The following DTX1 variants were observed in gnomAD, a reference collection of about 807,000 sequenced individuals.
DTX1 encodes E3 ubiquitin-protein ligase DTX1.
DTX1 carries 26 observed loss-of-function variants against 57.8 expected under a neutral mutation model. The observed-to-expected ratio is 0.45, with a 90% CI of 0.33 to 0.62. The LOEUF is 0.62. DTX1 is among the 20% of genes least tolerant of loss of function. The pLI, the probability that DTX1 is intolerant of heterozygous loss-of-function variation, is 0.02. For missense variants in DTX1, 704 were observed against 895.3 expected, an observed-to-expected ratio of 0.79 and a Z score of 2.73; for synonymous variants, 398 against 394.1, an observed-to-expected ratio of 1.01 and a Z score of -0.12.
intron 3 of DTX1, among the ~76,000 whole-genome samples, chr12:113,078,313 G>A (rs2044791270): frequency 6.6e-6 from 1 of 152,060 alleles, no homozygotes. Context: ...CATGCATAAG[G>A]ACCCTATGAG....
At chr12:113,079,689 G>A (rs1674122) in intron 3 of DTX1, among the ~76,000 whole-genome samples, 60,412 of 145,094 alleles carry the variant, frequency 0.42, 12,310 homozygotes, top group African/African-American at 0.47. Flanking sequence ...CACCATTCCC[G>A]GCTACTGTGT....
chr12:113,082,743 G>A (rs1401516627), intron 3 of DTX1, among the ~76,000 whole-genome samples: 11 of 152,046 alleles, frequency 7.2e-5, no homozygotes, highest in South Asian at 2.1e-4. Context: ...CTACAGGCAC[G>A]CACCACCACA....
At chr12:113,091,036 G>A (rs962394398) in intron 3 of DTX1, among the ~76,000 whole-genome samples, 1 of 152,200 alleles carries the variant, frequency 6.6e-6, no homozygotes, top group African/African-American at 2.4e-5. Flanking sequence ...AGGCTGCAGC[G>A]CGCCGGGGGC....
At chr12:113,082,961 A>G (rs1266915112) in intron 3 of DTX1, among the ~76,000 whole-genome samples, 2 of 152,182 alleles carry the variant, frequency 1.3e-5, no homozygotes, top group Non-Finnish European at 2.9e-5. Context: ...AACAGCTTAA[A>G]CCACAGAAAT....
chr12:113,093,631 A>T lies in DTX1; in HGVS notation c.1096A>T (p.Ser366Cys). Residue 366 changes from serine to cysteine, a missense_variant, in exon 5 of 10, where the codon AGC (serine) becomes TGC (cysteine). Coordinates refer to ENST00000548759, the MANE Select transcript of DTX1 (RefSeq NM_004416.3). This position sits in a 1 kb window ranked among gnomAD's most constrained non-coding sequence, Gnocchi z 4.2. ...PILHPPPVSK[S>C]DVKPVPGVPG... ...CCTGCACCCGCCGCCCGTGAGCAAG[A>T]GCGACGTGAAGCCCGTGCCTGGCGT... 1 of 1,613,554 alleles carries T rather than the reference A, an allele frequency of 6.2e-7. No homozygotes were observed. Among genetic ancestry groups the T allele is most frequent in the Non-Finnish European group, 8.5e-7 (1 of 1,179,860 alleles).
At chr12:113,072,951 C>T (rs1240592279) in intron 2 of DTX1, among the ~76,000 whole-genome samples, 1 of 152,068 alleles carries the variant, frequency 6.6e-6, no homozygotes, top group Non-Finnish European at 1.5e-5. Context: ...AGATGATCCA[C>T]CCGCCTCAGC....
At chr12:113,065,430 G>C (rs1053062357) in intron 2 of DTX1, among the ~76,000 whole-genome samples, 2 of 152,060 alleles carry the variant, frequency 1.3e-5, no homozygotes, top group African/African-American at 4.8e-5. Flanking sequence ...CACCATCAAC[G>C]ACCCGCCCGC....
intron 3 of DTX1, among the ~76,000 whole-genome samples, chr12:113,091,427 C>G (rs1950246057): frequency 8.1e-6 from 1 of 124,096 alleles, no homozygotes; most frequent in Non-Finnish European, 2.0e-5. Context: ...AGGGAGGCTC[C>G]CTGGTATCTG....
In DTX1 at chr12:113,080,589, A is replaced by AGAATGGAATGGAATGGAATG. The variant is rs111327121; in HGVS notation, c.941+2493_941+2512dup. Among the ~76,000 whole-genome samples the AGAATGGAATGGAATGGAATG allele has an allele frequency of 7.4e-3, 1,125 of 151,264 alleles. 10 individuals are homozygous for AGAATGGAATGGAATGGAATG. Among genetic ancestry groups the AGAATGGAATGGAATGGAATG allele is most frequent in the South Asian group, 0.02 (96 of 4,776 alleles). On this transcript the variant is annotated intron_variant, in intron 3 of 9. Coordinates refer to ENST00000548759, the MANE Select transcript of DTX1 (RefSeq NM_004416.3). ...GTTGTAGCCAGAATTTTCTTGGAAC[A>AGAATGGAATGGAATGGAATG]GAATGGAATGGAATGGAATGGAATG...
intron 3 of DTX1, among the ~76,000 whole-genome samples, chr12:113,082,968 A>C (rs1364989586): frequency 6.6e-6 from 1 of 152,192 alleles, no homozygotes; most frequent in Non-Finnish European, 1.5e-5. Flanking sequence ...TAAACCACAG[A>C]AATGTATTCT....
At position 113,096,738 on chromosome 12, in the gene DTX1, C is replaced by T. The variant is rs1197963235; in HGVS notation, c.1662C>T (p.Ala554=). Residue 554 remains alanine (A), a synonymous_variant, in exon 10 of 10, where the codon GCC becomes GCT. Coordinates refer to ENST00000548759, the MANE Select transcript of DTX1 (RefSeq NM_004416.3). ...GRKVLRLLIT[A]WERRLIFTIG... ...AGGTGCTGCGGCTGCTCATCACGGC[C>T]TGGGAGAGAAGACTCATCTTCACTA... The T allele has an allele frequency of 3.7e-6, 6 of 1,613,204 alleles. No homozygotes were observed. In the Admixed American group the frequency reaches 5.0e-5, roughly 13 times the overall value.
At chr12:113,068,750 C>T (rs1253811413) in intron 2 of DTX1, among the ~76,000 whole-genome samples, 1 of 152,174 alleles carries the variant, frequency 6.6e-6, no homozygotes, top group African/African-American at 2.4e-5. Context: ...AAAATCCCCC[C>T]GGCGCCATGT....
intron 2 of DTX1, among the ~76,000 whole-genome samples, chr12:113,063,133 A>C (rs1444180337): frequency 1.3e-5 from 2 of 152,166 alleles, no homozygotes; most frequent in Non-Finnish European, 2.9e-5. Context: ...CTCTGTCTCC[A>C]ACCGTCCCTC....
Position 113,094,081 on chromosome 12 carries a change from G to A in DTX1, c.1209G>A (p.Val403=). Residue 403 remains valine, a synonymous_variant, in exon 6 of 10, where the codon GTG becomes GTA. Transcript: ENST00000548759. ...TGGTTCGAAGATACATGCAGAAGGT[G>A]AAAAACCCACCTGATGAGGTGAGGA... is the stretch of plus-strand genomic sequence containing the variant. ...EDVVRRYMQK[V]KNPPDEDCTI... 8.5e-7 allele frequency: 1 copy of A among 1,177,744 alleles called. No individual in the cohort carries two copies. Among genetic ancestry groups the A allele is most frequent in the Non-Finnish European group, 1.2e-6 (1 of 853,606 alleles). The allele number at this position is 1,177,744 out of a possible 1,614,324, so 73.0% of individuals were successfully genotyped here.
At chr12:113,066,174 G>A (rs1038980536) in intron 2 of DTX1, among the ~76,000 whole-genome samples, 6 of 152,120 alleles carry the variant, frequency 3.9e-5, no homozygotes, top group Non-Finnish European at 5.9e-5. Flanking sequence ...CAGCTACCTC[G>A]GGGAATGCTG....
intron 3 of DTX1, among the ~76,000 whole-genome samples, chr12:113,082,080 C>T (rs1178234244): frequency 2.0e-5 from 3 of 152,110 alleles, no homozygotes; most frequent in Non-Finnish European, 4.4e-5. Flanking sequence ...AGCCACATGC[C>T]GCTCCCCCAC....
At chr12:113,063,926 C>T (rs1426858240) in intron 2 of DTX1, among the ~76,000 whole-genome samples, 1 of 152,244 alleles carries the variant, frequency 6.6e-6, no homozygotes, top group Non-Finnish European at 1.5e-5. Context: ...TCCCCAAGGT[C>T]ACACAGCCTA....
chr12:113,069,750 C>G (rs2044727263), intron 2 of DTX1, among the ~76,000 whole-genome samples: 1 of 152,120 alleles, frequency 6.6e-6, no homozygotes, highest in Non-Finnish European at 1.5e-5. Flanking sequence ...CACACACACC[C>G]CTGGGGCTGC....
At chr12:113,095,229 C>A in intron 8 of DTX1, 26 bp downstream of exon 8, 2 of 1,603,412 alleles carry the variant, frequency 1.2e-6, no homozygotes, top group Non-Finnish European at 1.7e-6. Context: ...GCCTCTCTGG[C>A]CCCCAGCCCC....
Sources: gnomAD v4.1 joint callset for allele counts (sites outside exome capture counted in the v4.1 genomes callset) on GRCh38, gnomAD v4.1.1 for gene constraint, Gnocchi (gnomAD v3.1) non-coding constraint, MANE v1.5 for transcripts, NCBI Gene and HGNC (gene_info 2026-07-23, HGNC 2026-07-21) for gene names.